Variants in SCHIP1 observed in about 807,000 individuals in gnomAD.
The protein encoded by SCHIP1 is schwannomin interacting protein 1.
In SCHIP1, 8 loss-of-function variants were observed where a neutral mutation model predicts 29.7. That is an observed-to-expected ratio of 0.27 (90% CI 0.16 to 0.49). The LOEUF is 0.49. Ranked by LOEUF, SCHIP1 falls within the 20% of genes least tolerant of loss-of-function variation. The probability of loss-of-function intolerance (pLI) is 0.99; values close to 1 mark genes in which losing one functional copy is unlikely to be tolerated. For synonymous variants in SCHIP1, 76 were observed against 94.9 expected (o/e 0.80, Z 1.16); for missense variants, 193 against 294.6 (o/e 0.66, Z 2.52).
chr3:159,493,312 G>T, the SCHIP1 span, among the ~76,000 whole-genome samples: 1 of 152,166 alleles, frequency 6.6e-6, no homozygotes, highest in Admixed American at 6.5e-5. Context: ...CTGGCAAATT[G>T]GATAAAGAGT....
chr3:159,890,883 C>T (rs1441195029), intron 5 of SCHIP1, among the ~76,000 whole-genome samples: 1 of 152,074 alleles, frequency 6.6e-6, no homozygotes, highest in African/African-American at 2.4e-5. Flanking sequence ...GGGGACCTGT[C>T]TGATCACCCC....
chr3:159,653,041 G>C, the SCHIP1 span, among the ~76,000 whole-genome samples: 26 of 152,276 alleles, frequency 1.7e-4, 2 homozygotes, highest in South Asian at 3.9e-3. Flanking sequence ...TGAAGAGTTT[G>C]ATCAAGGGTA....
the SCHIP1 span, among the ~76,000 whole-genome samples, chr3:159,439,469 G>A: frequency 6.6e-6 from 1 of 152,034 alleles, no homozygotes; most frequent in Admixed American, 6.6e-5. Flanking sequence ...CAGCATGGGG[G>A]AAACCACCCC....
At chr3:159,676,077 G>A in the SCHIP1 span, among the ~76,000 whole-genome samples, 1 of 152,184 alleles carries the variant, frequency 6.6e-6, no homozygotes, top group Non-Finnish European at 1.5e-5. Context: ...GTTGCAGTGA[G>A]CTGAGATTGC....
chr3:159,439,494 T>G, the SCHIP1 span, among the ~76,000 whole-genome samples: 3,802 of 152,104 alleles, frequency 0.025, 177 homozygotes, highest in African/African-American at 0.087. Flanking sequence ...TTCAATTACC[T>G]CCAGATGGTC....
chr3:159,596,487 G>C, the SCHIP1 span, among the ~76,000 whole-genome samples: 7 of 152,248 alleles, frequency 4.6e-5, no homozygotes, highest in Middle Eastern at 0.01. Flanking sequence ...CTGCTATAAA[G>C]ACACATGCAC....
the SCHIP1 span, among the ~76,000 whole-genome samples, chr3:159,438,926 T>C: frequency 5.3e-5 from 8 of 152,344 alleles, no homozygotes; most frequent in South Asian, 1.4e-3. Context: ...GTCTTTGCTA[T>C]TGTGAATAGT....
the SCHIP1 span, among the ~76,000 whole-genome samples, chr3:159,353,303 A>G: frequency 6.6e-6 from 1 of 152,008 alleles, no homozygotes; most frequent in Non-Finnish European, 1.5e-5. Flanking sequence ...CCTAAAACTT[A>G]AAGTATAATA....
chr3:159,833,947 G>A, the SCHIP1 span, among the ~76,000 whole-genome samples: 1 of 151,976 alleles, frequency 6.6e-6, no homozygotes, highest in African/African-American at 2.4e-5. Context: ...TCCTTTTTTG[G>A]TGTCTTGGGA....
chr3:159,331,918 C>T, the SCHIP1 span, among the ~76,000 whole-genome samples: 1 of 152,110 alleles, frequency 6.6e-6, no homozygotes, highest in Non-Finnish European at 1.5e-5. Flanking sequence ...TCACTATTCC[C>T]ACCTCACCAT....
chr3:159,299,147 G>A, the SCHIP1 span, among the ~76,000 whole-genome samples: 4 of 152,098 alleles, frequency 2.6e-5, no homozygotes, highest in Non-Finnish European at 4.4e-5. Flanking sequence ...AAAACATATG[G>A]TTTACTGAAT....
chr3:159,636,338 G>A, the SCHIP1 span, among the ~76,000 whole-genome samples: 4 of 152,232 alleles, frequency 2.6e-5, no homozygotes, highest in South Asian at 2.1e-4. Flanking sequence ...ATGAGCCACC[G>A]CACCCAGCCT....
At position 159,894,165 on chromosome 3, in the gene SCHIP1, G is replaced by A. The variant is rs531123431; in HGVS notation, c.683+1975G>A. Reference sequence around the variant, plus strand: ...ATATTCTTATTTAATTATCCTTGTGGGCTAGCGTGGGCATGAGAATTTTTT... The same window carrying A: ...ATATTCTTATTTAATTATCCTTGTGAGCTAGCGTGGGCATGAGAATTTTTT... On this transcript the variant is annotated intron_variant, in intron 6 of 6. Coordinates refer to ENST00000445224, the Ensembl canonical transcript of SCHIP1. The A allele has an allele frequency of 5.3e-5, 8 of 152,222 alleles. No homozygotes were observed. The East Asian group carries it at 1.5e-3, about 29-fold the overall frequency. 9.4% of individuals were successfully genotyped at this position (152,222 alleles called of 1,614,324 possible).
At chr3:159,747,615 A>G in the SCHIP1 span, among the ~76,000 whole-genome samples, 2 of 152,062 alleles carry the variant, frequency 1.3e-5, no homozygotes, top group Admixed American at 6.5e-5. Flanking sequence ...TCCAAGCTCT[A>G]TTAGTGATCC....
At chr3:159,502,476 C>CT in the SCHIP1 span, among the ~76,000 whole-genome samples, 1 of 151,870 alleles carries the variant, frequency 6.6e-6, no homozygotes, top group Non-Finnish European at 1.5e-5. Flanking sequence ...AGCTTCATTT[C>CT]TTTTTTTAAA....
the SCHIP1 span, among the ~76,000 whole-genome samples, chr3:159,834,146 T>C: frequency 6.6e-6 from 1 of 152,238 alleles, no homozygotes; most frequent in Non-Finnish European, 1.5e-5. Flanking sequence ...GTCATATGCA[T>C]TTATTCAATT....
At chr3:159,665,240 T>G in the SCHIP1 span, among the ~76,000 whole-genome samples, 1 of 152,214 alleles carries the variant, frequency 6.6e-6, no homozygotes, top group Non-Finnish European at 1.5e-5. Flanking sequence ...TGTGCCAAAA[T>G]AGCACTCAGA....
chr3:159,416,212 C>T, the SCHIP1 span, among the ~76,000 whole-genome samples: 5 of 152,194 alleles, frequency 3.3e-5, no homozygotes, highest in African/African-American at 9.6e-5. Flanking sequence ...TCACAAAGCT[C>T]GTGCTTTCTC....
the SCHIP1 span, among the ~76,000 whole-genome samples, chr3:159,820,736 G>A: frequency 1.9e-4 from 29 of 152,200 alleles, no homozygotes; most frequent in African/African-American, 5.5e-4. Flanking sequence ...AGCAGTAGGT[G>A]GTTGGATAAA....
Sources: allele counts gnomAD v4.1 joint callset (sites outside exome capture counted in the v4.1 genomes callset), GRCh38; gene constraint gnomAD v4.1.1; transcripts MANE v1.5; gene names NCBI Gene and HGNC (gene_info 2026-07-23, HGNC 2026-07-21).